DIPK1B: variants seen among roughly 807,000 people sequenced by gnomAD.
DIPK1B encodes the protein family with sequence similarity 69 member B.
In DIPK1B, 17 loss-of-function variants were observed where a neutral mutation model predicts 20.7. That is an observed-to-expected ratio of 0.82 (90% CI 0.56 to 1.23). DIPK1B has a LOEUF of 1.23. DIPK1B is among the 50% of genes most tolerant of loss of function. DIPK1B has a pLI of 0.00. For missense variants in DIPK1B, 648 were observed against 601.8 expected (o/e 1.08, Z -0.80); for synonymous variants, 343 against 276.5 (o/e 1.24, Z -2.39).
intron 1 of DIPK1B, among the ~76,000 whole-genome samples, chr9:136,716,391 C>T (rs984752937): frequency 6.6e-6 from 1 of 151,850 alleles, no homozygotes; most frequent in African/African-American, 2.4e-5. Context: ...CCTCAGCCTC[C>T]CAAGTAGCTG....
rs765230117 is a variant in DIPK1B, at chr9:136,721,892, G to GC, written c.199-26dup. ...AGTGGGGCAGGGGTGTGGCTGCCCC[G>GC]CCCGGCACGCCTGCACCTGTCTCCT... On this transcript the variant is annotated intron_variant, in intron 2 of 4. Transcript: ENST00000371692. The GC allele has an allele frequency of 1.5e-4, 246 of 1,602,932 alleles. No individual in the cohort carries two copies. In the African/African-American group the frequency reaches 2.8e-3, roughly 18 times the overall value.
intron 2 of DIPK1B, among the ~76,000 whole-genome samples, chr9:136,720,541 G>A (rs1229459481): frequency 1.3e-5 from 2 of 152,212 alleles, no homozygotes; most frequent in Non-Finnish European, 2.9e-5. Context: ...TTGAGGGGCT[G>A]CCAGGCCCCT....
chr9:136,723,898 G>T lies in DIPK1B; in HGVS notation c.*124G>T, dbSNP rs886988962. 7 of 1,013,540 alleles carry T rather than the reference G, an allele frequency of 6.9e-6. No homozygotes were observed. Among genetic ancestry groups the T allele is most frequent in the Non-Finnish European group, 9.9e-6 (7 of 707,460 alleles). 62.8% of individuals were successfully genotyped at this position (1,013,540 alleles called of 1,614,324 possible). ...TGTGTTGCAAAATCACTCCCCTACC[G>T]TCAGGGCTCTGGATTCCAGCACCAC... On this transcript the variant is annotated 3_prime_UTR_variant, in exon 5 of 5. Transcript: ENST00000371692.
At position 136,723,755 on chromosome 9, in the gene DIPK1B, C is replaced by T; in HGVS notation, c.1277C>T (p.Ser426Phe). Residue 426 changes from serine (S) to phenylalanine (F), a missense_variant, in exon 5 of 5, where the codon TCC (serine) becomes TTC (phenylalanine). Coordinates refer to ENST00000371692, the MANE Select transcript of DIPK1B (RefSeq NM_152421.4). Reference sequence around the variant, plus strand: ...AAGACTCTGCTCTGGAAGAAGATCTCCAACACCAAGTACTCTTGATGGGGC... The same window carrying T: ...AAGACTCTGCTCTGGAAGAAGATCTTCAACACCAAGTACTCTTGATGGGGC... ...HLKTLLWKKI[S>F]NTKYS 3 of 1,534,656 alleles carry T rather than the reference C, an allele frequency of 2.0e-6. No individual in the cohort carries two copies. The highest frequency in any genetic ancestry group is 1.2e-5 in the South Asian group (1 of 83,972).
chr9:136,723,858 G>A lies in DIPK1B; in HGVS notation c.*84G>A, dbSNP rs917999275. 2.2e-6 allele frequency: 3 copies of A among 1,361,890 alleles called. No individual in the cohort carries two copies. The highest frequency in any genetic ancestry group is 3.0e-6 in the Non-Finnish European group (3 of 1,013,826). 84.4% of individuals were successfully genotyped at this position (1,361,890 alleles called of 1,614,324 possible). ...CCTCCCTCAAGGAATCCTGTCAGAA[G>A]ATGTGAAATGCAACTGTGTTGCAAA... On this transcript the variant is annotated 3_prime_UTR_variant, in exon 5 of 5. Transcript: ENST00000371692.
chr9:136,722,221 C>G lies in DIPK1B; in HGVS notation c.403C>G (p.Arg135Gly), dbSNP rs547116910. ...GGCCCGGTCGGATGCGGCCCCCCGG[C>G]GGGAGCTGGTACTGTTTGACAAGCC... ...SKARSDAAPRRELVLFDKPTR... is the reference protein window; with the variant it reads ...SKARSDAAPRGELVLFDKPTR... The change falls in exon 4 of 5, where the codon CGG becomes GGG. Residue 135 changes from arginine to glycine, a missense_variant. Transcript: ENST00000371692. The G allele has an allele frequency of 1.2e-6, 2 of 1,613,830 alleles. No homozygotes were observed. The highest frequency in any genetic ancestry group is 1.7e-6 in the Non-Finnish European group (2 of 1,180,006).
At chr9:136,719,897 A>G (rs1179129829) in intron 2 of DIPK1B, among the ~76,000 whole-genome samples, 3 of 109,384 alleles carry the variant, frequency 2.7e-5, no homozygotes, top group East Asian at 2.9e-4. Context: ...GGGCTGTGTG[A>G]TCTGGGGCTC....
intron 1 of DIPK1B, among the ~76,000 whole-genome samples, chr9:136,713,593 T>C (rs1846456254): frequency 6.6e-6 from 1 of 152,204 alleles, no homozygotes; most frequent in African/African-American, 2.4e-5. Context: ...TGGTCCCGGC[T>C]CAGCCTTGGG....
chr9:136,723,850 T>C lies in DIPK1B; in HGVS notation c.*76T>C. On this transcript the variant is annotated 3_prime_UTR_variant, in exon 5 of 5. Coordinates refer to ENST00000371692, the MANE Select transcript of DIPK1B (RefSeq NM_152421.4). ...GGTCCAACCCTCCCTCAAGGAATCCTGTCAGAAGATGTGAAATGCAACTGT... is the reference window on the plus strand; with the variant it reads ...GGTCCAACCCTCCCTCAAGGAATCCCGTCAGAAGATGTGAAATGCAACTGT... The C allele has an allele frequency of 2.9e-6, 4 of 1,391,538 alleles. No individual in the cohort carries two copies. Among genetic ancestry groups the C allele is most frequent in the East Asian group, 2.5e-5 (1 of 39,830 alleles). 86.2% of individuals were successfully genotyped at this position (1,391,538 alleles called of 1,614,324 possible). A position where few individuals can be genotyped will look rare whatever the true frequency, so the allele number is the denominator to read the frequency against.
Position 136,722,233 on chromosome 9 carries a change from C to A in DIPK1B, c.415C>A (p.Leu139Met). Residue 139 changes from leucine to methionine, a missense_variant, in exon 4 of 5, where the codon CTG becomes ATG. Transcript: ENST00000371692. ...TGCGGCCCCCCGGCGGGAGCTGGTA[C>A]TGTTTGACAAGCCCACCCGGGGCAC... ...SDAAPRRELVLFDKPTRGTSI... is the reference protein window; with the variant it reads ...SDAAPRRELVMFDKPTRGTSI... The A allele has an allele frequency of 1.9e-6, 3 of 1,614,000 alleles. No homozygotes were observed. The highest frequency in any genetic ancestry group is 2.5e-6 in the Non-Finnish European group (3 of 1,180,002).
rs1209518270 is a variant in DIPK1B, at chr9:136,724,355, T to C, written c.*581T>C. Reference sequence around the variant, plus strand: ...GTGTTCCAGTAAGAAAACAGATATATGCGGTATTTTAAAAACTGATTTTAC... The same window carrying C: ...GTGTTCCAGTAAGAAAACAGATATACGCGGTATTTTAAAAACTGATTTTAC... On this transcript the variant is annotated 3_prime_UTR_variant, in exon 5 of 5. Coordinates refer to ENST00000371692, the MANE Select transcript of DIPK1B (RefSeq NM_152421.4). 2.6e-5 allele frequency among the ~76,000 whole-genome samples: 4 copies of C among 152,176 alleles called. No homozygotes were observed. The highest frequency in any genetic ancestry group is 5.9e-5 in the Non-Finnish European group (4 of 68,036).
chr9:136,721,833 C>A, intron 2 of DIPK1B, 88 bp from the exon 3 acceptor site: 2 of 1,188,170 alleles, frequency 1.7e-6, no homozygotes, highest in Non-Finnish European at 2.4e-6. Context: ...CAAGTGGAGG[C>A]CCCTGCCAGC....
In DIPK1B at chr9:136,714,846, G is replaced by A. The variant is rs928174873; in HGVS notation, c.63+2118G>A. On this transcript the variant is annotated intron_variant, in intron 1 of 4. Transcript: ENST00000371692. ...GTCCTCCCTCTGTAGCCCTGCCTGG[G>A]GCGGCCATCCGTGAGTGGATGCCGG... 5.3e-5 allele frequency among the ~76,000 whole-genome samples: 8 copies of A among 152,312 alleles called. 1 individual carries two copies. The highest frequency in any genetic ancestry group is 1.9e-4 in the African/African-American group (8 of 41,572).
chr9:136,721,986 GGTGGA>G lies in DIPK1B; in HGVS notation c.271_275del (p.Trp91AspfsTer28). ...GCCAGGACCTGTGTGAGCTGCATATGGTGGAGTGGAGGACCTGCCTCTCGGTGGCC... is the reference window on the plus strand; with the variant it reads ...GCCAGGACCTGTGTGAGCTGCATATGGTGGAGGACCTGCCTCTCGGTGGCC... On this transcript the variant is annotated frameshift_variant, in exon 3 of 5. Transcript: ENST00000371692. LOFTEE classifies it high-confidence loss of function. 1.2e-6 allele frequency: 2 copies of G among 1,613,718 alleles called. No individual in the cohort carries two copies. The highest frequency in any genetic ancestry group is 1.7e-6 in the Non-Finnish European group (2 of 1,179,966).
At chr9:136,717,527 G>A (rs775221817) in intron 1 of DIPK1B, 50 bp from the exon 2 acceptor site, 8 of 1,576,322 alleles carry the variant, frequency 5.1e-6, no homozygotes, top group East Asian at 2.3e-5. Context: ...AGAGCACCCT[G>A]AGCCTGGGTG....
In DIPK1B at chr9:136,717,745, CGT is replaced by C. The variant is rs759720823; in HGVS notation, c.198+36_198+37del. The stretch of plus-strand genomic sequence containing the variant: ...TGCTTGTGCGGGCTGGGGACTGGGC[CGT>C]GCCCCCTGCTGCCCAAGATGCTGGG... On this transcript the variant is annotated intron_variant, in intron 2 of 4. Coordinates refer to ENST00000371692, the MANE Select transcript of DIPK1B (RefSeq NM_152421.4). The C allele has an allele frequency of 5.6e-6, 9 of 1,607,482 alleles. No individual in the cohort carries two copies. The African/African-American group carries it at 1.2e-4, about 21-fold the overall frequency.
intron 2 of DIPK1B, 93 bp from the exon 3 acceptor site, chr9:136,721,828 G>A: frequency 9.0e-7 from 1 of 1,112,084 alleles, no homozygotes; most frequent in Non-Finnish European, 1.3e-6. Flanking sequence ...TGCAGCAAGT[G>A]GAGGCCCCTG....
At position 136,723,181 on chromosome 9, in the gene DIPK1B, C is replaced by T. The variant is rs1368101210; in HGVS notation, c.703C>T (p.Pro235Ser). The T allele has an allele frequency of 2.5e-6, 4 of 1,612,740 alleles. No homozygotes were observed. The highest frequency in any genetic ancestry group is 3.4e-6 in the Non-Finnish European group (4 of 1,179,900). Reference sequence around the variant, plus strand: ...GGACCTCTACCTCACCGAGGGCGTGCCGCATGGCGCCTGGCACGCGGCCGC... The same window carrying T: ...GGACCTCTACCTCACCGAGGGCGTGTCGCATGGCGCCTGGCACGCGGCCGC... ...CGDLYLTEGV[P>S]HGAWHAAALP... The change falls in exon 5 of 5, where the codon CCG becomes TCG. Residue 235 changes from proline (P) to serine (S), a missense_variant. Transcript: ENST00000371692.
chr9:136,720,661 G>C (rs544668352), intron 2 of DIPK1B, among the ~76,000 whole-genome samples: 2 of 152,204 alleles, frequency 1.3e-5, no homozygotes, highest in African/African-American at 2.4e-5. Flanking sequence ...CTGTGGGACA[G>C]GGAAGGACAG....
Sources: gnomAD v4.1 joint callset for allele counts (sites outside exome capture counted in the v4.1 genomes callset) on GRCh38, gnomAD v4.1.1 for gene constraint, MANE v1.5 for transcripts, NCBI Gene and HGNC (gene_info 2026-07-23, HGNC 2026-07-21) for gene names.